MARCHF1: variants seen among roughly 807,000 people sequenced by gnomAD.
The protein encoded by MARCHF1 is membrane associated ring-CH-type finger 1.
Under a neutral mutation model 54.2 loss-of-function variants are expected in MARCHF1, and 40 were observed. The ratio of observed to expected loss-of-function variants is 0.74; its 90% CI spans 0.57 to 0.96. The LOEUF is 0.96. Ranked by LOEUF, MARCHF1 falls within the 40% of genes least tolerant of loss-of-function variation. The pLI, the probability that MARCHF1 is intolerant of heterozygous loss-of-function variation, is 0.00. For synonymous variants in MARCHF1, 236 were observed against 236.3 expected (o/e 1.00, Z 0.01); for missense variants, 586 against 656.5 (o/e 0.89, Z 1.17).
intron 2 of MARCHF1, among the ~76,000 whole-genome samples, chr4:164,050,935 T>C (rs1489150460): frequency 1.3e-5 from 2 of 151,918 alleles, no homozygotes; most frequent in African/African-American, 4.8e-5. Flanking sequence ...TCTGTCTCAA[T>C]AATAATAATA....
chr4:164,119,699 C>A (rs1004783898), intron 1 of MARCHF1, among the ~76,000 whole-genome samples: 10 of 150,732 alleles, frequency 6.6e-5, no homozygotes, highest in African/African-American at 2.2e-4. Flanking sequence ...TTTTAAAAAT[C>A]CTAAGGCTTT....
At chr4:163,987,328 C>CT (rs1268455389) in intron 3 of MARCHF1, among the ~76,000 whole-genome samples, 1 of 152,132 alleles carries the variant, frequency 6.6e-6, no homozygotes, top group Non-Finnish European at 1.5e-5. Context: ...AGAGAAATCT[C>CT]CCAAAGTTAT....
chr4:164,380,550 T>C (rs1428263111), intron 1 of MARCHF1, among the ~76,000 whole-genome samples: 1 of 152,210 alleles, frequency 6.6e-6, no homozygotes, highest in East Asian at 1.9e-4. Context: ...AATGAATTAA[T>C]AGTATCATAG....
chr4:164,155,804 A>C (rs1730063118), intron 1 of MARCHF1, among the ~76,000 whole-genome samples: 1 of 152,118 alleles, frequency 6.6e-6, no homozygotes, highest in African/African-American at 2.4e-5. Context: ...GTACCCCTTA[A>C]ATTGATGCAA....
chr4:164,162,287 T>G (rs1435766608), intron 1 of MARCHF1, among the ~76,000 whole-genome samples: 1 of 152,034 alleles, frequency 6.6e-6, no homozygotes, highest in Non-Finnish European at 1.5e-5. Context: ...AATTCTGAAC[T>G]GGAAGATATT....
intron 4 of MARCHF1, among the ~76,000 whole-genome samples, chr4:163,708,851 A>G (rs186410480): frequency 1.3e-5 from 2 of 152,274 alleles, no homozygotes; most frequent in Admixed American, 6.5e-5. Context: ...CTTAAAAAGC[A>G]AAAGAGAATG....
chr4:164,071,618 A>T (rs1560890544), intron 2 of MARCHF1, among the ~76,000 whole-genome samples: 2 of 152,120 alleles, frequency 1.3e-5, no homozygotes, highest in Non-Finnish European at 2.9e-5. Context: ...AATTAATTCA[A>T]CTTGTCATAA....
intron 1 of MARCHF1, among the ~76,000 whole-genome samples, chr4:164,371,758 A>G (rs1348619897): frequency 1.3e-5 from 2 of 152,204 alleles, no homozygotes; most frequent in African/African-American, 4.8e-5. Flanking sequence ...GCTAAAACCA[A>G]TATGGAAAGA....
intron 8 of MARCHF1, among the ~76,000 whole-genome samples, chr4:163,547,112 AC>A (rs1250529855): frequency 6.6e-6 from 1 of 152,170 alleles, no homozygotes; most frequent in Non-Finnish European, 1.5e-5. Context: ...ATTTCAATGC[AC>A]AACCCAAAAA....
chr4:164,036,401 A>T (rs1477998365), intron 2 of MARCHF1, among the ~76,000 whole-genome samples: 17 of 152,144 alleles, frequency 1.1e-4, no homozygotes, highest in Admixed American at 1.1e-3. Context: ...GACTACTCTA[A>T]TTGAGTTGGG....
chr4:163,906,444 T>C (rs1414478459), intron 3 of MARCHF1, among the ~76,000 whole-genome samples: 3 of 152,034 alleles, frequency 2.0e-5, no homozygotes. Flanking sequence ...GCTTGTTAGA[T>C]ATCTGACTAC....
At chr4:163,705,865 A>T (rs1461304578) in intron 4 of MARCHF1, among the ~76,000 whole-genome samples, 1 of 152,060 alleles carries the variant, frequency 6.6e-6, no homozygotes, top group Non-Finnish European at 1.5e-5. Context: ...TTGAAAAAGA[A>T]GCAATACAAC....
chr4:163,605,312 T>G (rs1386494784), intron 7 of MARCHF1, among the ~76,000 whole-genome samples: 1 of 152,110 alleles, frequency 6.6e-6, no homozygotes, highest in Non-Finnish European at 1.5e-5. Context: ...AAAAAGCTCA[T>G]AATCACTGGT....
intron 1 of MARCHF1, among the ~76,000 whole-genome samples, chr4:164,154,525 T>C (rs1288616143): frequency 6.6e-6 from 1 of 152,204 alleles, no homozygotes; most frequent in African/African-American, 2.4e-5. Flanking sequence ...TGACCCCCAC[T>C]TGCAGAACAT....
chr4:164,235,743 G>C (rs183943935), intron 1 of MARCHF1, among the ~76,000 whole-genome samples: 3 of 151,866 alleles, frequency 2.0e-5, no homozygotes, highest in Non-Finnish European at 2.9e-5. Flanking sequence ...AAGGGGAAGA[G>C]TGGGAGGGGC....
At chr4:163,929,266 C>T (rs552416337) in intron 3 of MARCHF1, among the ~76,000 whole-genome samples, 2 of 152,090 alleles carry the variant, frequency 1.3e-5, no homozygotes, top group East Asian at 3.9e-4. Flanking sequence ...AAACAAATTA[C>T]TTTACCCTCC....
intron 1 of MARCHF1, among the ~76,000 whole-genome samples, chr4:164,166,941 T>G (rs1730396610): frequency 6.6e-6 from 1 of 151,414 alleles, no homozygotes; most frequent in South Asian, 2.1e-4. Flanking sequence ...GTGAAAGATT[T>G]ATAAATCTTT....
At chr4:163,829,954 T>A (rs1560776225) in intron 4 of MARCHF1, among the ~76,000 whole-genome samples, 1 of 152,200 alleles carries the variant, frequency 6.6e-6, no homozygotes, top group Non-Finnish European at 1.5e-5. Flanking sequence ...AGATAGATAT[T>A]ATCTGGCCAG....
chr4:163,942,310 CG>C (rs1751928368), intron 3 of MARCHF1, among the ~76,000 whole-genome samples: 1 of 152,172 alleles, frequency 6.6e-6, no homozygotes, highest in African/African-American at 2.4e-5. Flanking sequence ...CTCTCTCCTT[CG>C]TATACAGTTC....
Sources: gnomAD v4.1 joint callset for allele counts (sites outside exome capture counted in the v4.1 genomes callset) on GRCh38, gnomAD v4.1.1 for gene constraint, MANE v1.5 for transcripts, NCBI Gene and HGNC (gene_info 2026-07-23, HGNC 2026-07-21) for gene names.